Variants in ANKS1B observed in about 807,000 individuals in gnomAD.
ANKS1B encodes the protein ankyrin repeat and sterile alpha motif domain containing 1B, also known as ankyrin repeat and sterile alpha motif domain-containing protein 1B.
ANKS1B carries 36 observed loss-of-function variants against 148.3 expected under a neutral mutation model. The observed-to-expected ratio is 0.24, with a 90% CI of 0.19 to 0.32. The LOEUF (loss-of-function observed/expected upper bound fraction) is 0.32. ANKS1B is among the 10% of genes least tolerant of loss of function. ANKS1B has a pLI of 1.00. For synonymous variants in ANKS1B, 542 were observed against 560.8 expected (o/e 0.97, Z 0.47); for missense variants, 1,157 against 1,542.6 (o/e 0.75, Z 4.19).
chr12:99,107,675 G>T (rs373314524), intron 15 of ANKS1B, among the ~76,000 whole-genome samples: 16 of 152,290 alleles, frequency 1.1e-4, no homozygotes, highest in African/African-American at 3.6e-4. Flanking sequence ...GCCCGGCCTG[G>T]GATGCAGATT....
At chr12:99,568,478 C>T (rs73141664) in intron 9 of ANKS1B, among the ~76,000 whole-genome samples, 1 of 152,176 alleles carries the variant, frequency 6.6e-6, no homozygotes, top group Admixed American at 6.6e-5. Context: ...AAGATGTGGG[C>T]ATCTTTCAGG....
intron 9 of ANKS1B, among the ~76,000 whole-genome samples, chr12:99,559,066 C>G (rs372022790): frequency 4.6e-5 from 7 of 152,238 alleles, no homozygotes; most frequent in African/African-American, 1.7e-4. Context: ...CGAAACCCTG[C>G]GCACCGTTCC....
At chr12:99,285,327 G>A (rs2078987171) in intron 12 of ANKS1B, among the ~76,000 whole-genome samples, 1 of 152,042 alleles carries the variant, frequency 6.6e-6, no homozygotes, top group African/African-American at 2.4e-5. Flanking sequence ...GTGTTCCATT[G>A]TATGGATATA....
chr12:99,776,066 G>C (rs902854964), intron 6 of ANKS1B, among the ~76,000 whole-genome samples: 5 of 152,208 alleles, frequency 3.3e-5, no homozygotes, highest in African/African-American at 9.6e-5. Context: ...GTCAAATTCA[G>C]ATGGATACCA....
intron 8 of ANKS1B, among the ~76,000 whole-genome samples, chr12:99,672,478 G>T (rs1409601499): frequency 6.6e-6 from 1 of 152,080 alleles, no homozygotes; most frequent in African/African-American, 2.4e-5. Flanking sequence ...CATCACCAGG[G>T]AATGCCATCC....
intron 17 of ANKS1B, among the ~76,000 whole-genome samples, chr12:99,033,493 A>G (rs1305192936): frequency 6.6e-6 from 1 of 152,096 alleles, no homozygotes; most frequent in Non-Finnish European, 1.5e-5. Flanking sequence ...CAATTTATAG[A>G]AGTAACTTGT....
intron 17 of ANKS1B, among the ~76,000 whole-genome samples, chr12:99,014,622 A>G (rs954735570): frequency 1.3e-5 from 2 of 152,246 alleles, no homozygotes; most frequent in African/African-American, 2.4e-5. Context: ...CAAAGTATGC[A>G]TCTGACAAAC....
intron 16 of ANKS1B, among the ~76,000 whole-genome samples, chr12:99,062,531 A>T (rs1378837142): frequency 6.6e-6 from 1 of 152,118 alleles, no homozygotes; most frequent in Non-Finnish European, 1.5e-5. Flanking sequence ...TGTCAAGGAG[A>T]GTGTGGTCAG....
At chr12:99,708,431 A>G (rs935508749) in intron 8 of ANKS1B, among the ~76,000 whole-genome samples, 48 of 152,158 alleles carry the variant, frequency 3.2e-4, no homozygotes, top group Admixed American at 2.6e-3. Flanking sequence ...AACAATACAA[A>G]TGCATTCTCT....
intron 8 of ANKS1B, among the ~76,000 whole-genome samples, chr12:99,739,816 C>A (rs1229564427): frequency 2.0e-5 from 3 of 152,146 alleles, no homozygotes; most frequent in Non-Finnish European, 4.4e-5. Flanking sequence ...CAAACACAAC[C>A]TTCTCCATCC....
At chr12:99,591,877 T>C (rs1015252475) in intron 9 of ANKS1B, among the ~76,000 whole-genome samples, 2 of 152,208 alleles carry the variant, frequency 1.3e-5, no homozygotes, top group Admixed American at 1.3e-4. Flanking sequence ...CCCTCACATC[T>C]AGAGCTGCAT....
intron 9 of ANKS1B, among the ~76,000 whole-genome samples, chr12:99,595,477 T>G (rs2097749752): frequency 6.6e-6 from 1 of 151,948 alleles, no homozygotes; most frequent in Admixed American, 6.6e-5. Flanking sequence ...GAATATTTTA[T>G]TTTAAATGCT....
chr12:99,483,037 A>G (rs1317457671), intron 10 of ANKS1B, among the ~76,000 whole-genome samples: 1 of 151,492 alleles, frequency 6.6e-6, no homozygotes, highest in Non-Finnish European at 1.5e-5. Context: ...GAATATGCTG[A>G]AAAGGTATGG....
intron 9 of ANKS1B, among the ~76,000 whole-genome samples, chr12:99,646,530 T>C (rs1253878778): frequency 1.3e-5 from 2 of 151,838 alleles, no homozygotes; most frequent in Non-Finnish European, 2.9e-5. Context: ...GGCACACGCC[T>C]GTAGTCCCAG....
In ANKS1B at chr12:99,805,262, G is replaced by GAAAAAAAAAA. The variant is rs1567880890; in HGVS notation, c.669+1141_669+1142insTTTTTTTTTT. 4.8e-4 allele frequency among the ~76,000 whole-genome samples: 4 copies of GAAAAAAAAAA among 8,306 alleles called. 1 individual carries two copies. Among genetic ancestry groups the GAAAAAAAAAA allele is most frequent in the African/African-American group, 1.2e-3 (2 of 1,738 alleles). The allele number at this position is 8,306 out of a possible 152,430, so 5.4% of individuals were successfully genotyped here. A position where few individuals can be genotyped will look rare whatever the true frequency, so the allele number is the denominator to read the frequency against. On this transcript the variant is annotated intron_variant, in intron 4 of 26. Coordinates refer to ENST00000683438, the MANE Select transcript of ANKS1B (RefSeq NM_001352186.2). The stretch of plus-strand genomic sequence containing the variant: ...GAAATAACCATGAAAGGAGGAAAAG[G>GAAAAAAAAAA]CAAAAAAAAAAAAAAAAAAAAAAAA...
chr12:99,335,659 T>C (rs1164031237), intron 12 of ANKS1B, among the ~76,000 whole-genome samples: 1 of 152,166 alleles, frequency 6.6e-6, no homozygotes, highest in African/African-American at 2.4e-5. Context: ...CCCATCCATA[T>C]TGTTGCAAAT....
chr12:99,107,426 A>G (rs1264597362), intron 15 of ANKS1B, among the ~76,000 whole-genome samples: 2 of 152,204 alleles, frequency 1.3e-5, no homozygotes, highest in Non-Finnish European at 2.9e-5. Flanking sequence ...TGAAGTGCAA[A>G]TTAAAATGTT....
At chr12:99,786,586 A>G (rs2065031089) in intron 4 of ANKS1B, among the ~76,000 whole-genome samples, 1 of 152,240 alleles carries the variant, frequency 6.6e-6, no homozygotes, top group South Asian at 2.1e-4. Flanking sequence ...AATCCCCCTA[A>G]GAATGCCTAA....
chr12:98,741,675 A>C (rs532824436), downstream of ANKS1B, among the ~76,000 whole-genome samples: 2 of 152,262 alleles, frequency 1.3e-5, no homozygotes, highest in East Asian at 3.9e-4. Context: ...CTAAAATGGG[A>C]TTTCAGAATC....
Sources: allele counts gnomAD v4.1 joint callset (sites outside exome capture counted in the v4.1 genomes callset), GRCh38; gene constraint gnomAD v4.1.1; transcripts MANE v1.5; gene names NCBI Gene and HGNC (gene_info 2026-07-23, HGNC 2026-07-21).